PRKN: variants seen among roughly 807,000 people sequenced by gnomAD.
The protein encoded by PRKN is E3 ubiquitin-protein ligase parkin.
In PRKN, 56 loss-of-function variants were observed where a neutral mutation model predicts 59.5. That is an observed-to-expected ratio of 0.94 (90% CI 0.76 to 1.18). PRKN has a LOEUF of 1.18. PRKN is among the 50% of genes most tolerant of loss of function. The pLI is 0.00. For missense variants in PRKN, 657 were observed against 596.4 expected (o/e 1.10, Z -1.06); for synonymous variants, 250 against 222.1 (o/e 1.13, Z -1.12).
At chr6:162,306,626 G>A (rs1297450234) in intron 2 of PRKN, among the ~76,000 whole-genome samples, 2 of 152,134 alleles carry the variant, frequency 1.3e-5, no homozygotes, top group East Asian at 1.9e-4. Context: ...TGCACACAAC[G>A]GAAGTATTTG....
At chr6:162,147,578 A>G (rs1288180807) in intron 4 of PRKN, among the ~76,000 whole-genome samples, 4 of 152,098 alleles carry the variant, frequency 2.6e-5, no homozygotes, top group Admixed American at 2.6e-4. Context: ...TGGACACCCT[A>G]CTAAATATGA....
intron 2 of PRKN, among the ~76,000 whole-genome samples, chr6:162,351,351 T>C (rs921374673): frequency 1.3e-5 from 2 of 152,166 alleles, no homozygotes; most frequent in Non-Finnish European, 2.9e-5. Flanking sequence ...TACTTTCTAT[T>C]AGGAAAATGC....
intron 7 of PRKN, among the ~76,000 whole-genome samples, chr6:161,583,411 T>TTTCTC (rs2128138649): frequency 6.6e-6 from 1 of 152,310 alleles, no homozygotes; most frequent in East Asian, 1.9e-4. Flanking sequence ...CATATGTATT[T>TTTCTC]TTCTCTTCTC....
chr6:162,351,978 C>T (rs1784644958), intron 2 of PRKN, among the ~76,000 whole-genome samples: 1 of 152,142 alleles, frequency 6.6e-6, no homozygotes, highest in African/African-American at 2.4e-5. Flanking sequence ...CAAAGGTAGA[C>T]ACCAGCAAGC....
chr6:162,189,662 G>C (rs923331096), intron 4 of PRKN, among the ~76,000 whole-genome samples: 2 of 151,678 alleles, frequency 1.3e-5, no homozygotes, highest in African/African-American at 2.4e-5. Context: ...AAATAATCAA[G>C]ACTTAATTTT....
intron 2 of PRKN, among the ~76,000 whole-genome samples, chr6:162,408,964 C>T (rs937941503): frequency 4.0e-5 from 6 of 151,596 alleles, no homozygotes; most frequent in Non-Finnish European, 8.8e-5. Context: ...CTCCCCTCCC[C>T]GCTCCTTGTC....
In PRKN at chr6:161,525,899, A is replaced by G. The variant is rs1779000197; in HGVS notation, c.1083+22955T>C. Among the ~76,000 whole-genome samples, 1 of 152,204 alleles carries G rather than the reference A, an allele frequency of 6.6e-6. No homozygotes were observed. Among genetic ancestry groups the G allele is most frequent in the South Asian group, 2.1e-4 (1 of 4,832 alleles). ...ACCCAATAACTTAGATAATGTTATT[A>G]ATATGGGTATCAAATATTTTAAATC... On this transcript the variant is annotated intron_variant, in intron 9 of 11. Transcript: ENST00000366898. This position sits in a 1 kb window ranked among gnomAD's most constrained non-coding sequence, Gnocchi z 4.7.
intron 6 of PRKN, among the ~76,000 whole-genome samples, chr6:161,936,788 ATTT>A (rs72306983): frequency 3.6e-5 from 5 of 139,142 alleles, no homozygotes; most frequent in Non-Finnish European, 3.1e-5. Context: ...TTTGTTTCAT[ATTT>A]TTTTTTTTTT....
At chr6:161,719,042 G>A (rs1033493476) in intron 7 of PRKN, among the ~76,000 whole-genome samples, 1 of 151,960 alleles carries the variant, frequency 6.6e-6, no homozygotes, top group East Asian at 1.9e-4. Context: ...TTATTTGCTC[G>A]CTGTTTAATT....
At chr6:162,358,642 T>C (rs1784982570) in intron 2 of PRKN, among the ~76,000 whole-genome samples, 1 of 152,142 alleles carries the variant, frequency 6.6e-6, no homozygotes, top group African/African-American at 2.4e-5. Flanking sequence ...TAAAGATCAT[T>C]AAAAACTCTT....
chr6:162,058,519 C>T (rs1777959943), intron 4 of PRKN, among the ~76,000 whole-genome samples: 2 of 152,162 alleles, frequency 1.3e-5, no homozygotes, highest in Admixed American at 6.5e-5. Flanking sequence ...AAAGTCCCTG[C>T]GTTTAAAAGA....
chr6:162,064,573 A>G (rs890615835), intron 4 of PRKN, among the ~76,000 whole-genome samples: 1 of 152,244 alleles, frequency 6.6e-6, no homozygotes, highest in African/African-American at 2.4e-5. Context: ...CTTCATCATC[A>G]GGCTACAAAA....
At chr6:162,554,217 A>C (rs1223469182) in intron 1 of PRKN, among the ~76,000 whole-genome samples, 1 of 152,194 alleles carries the variant, frequency 6.6e-6, no homozygotes, top group Non-Finnish European at 1.5e-5. Flanking sequence ...GAAAACGGAC[A>C]GAATGGCCAG....
chr6:161,662,102 G>A (rs751924119), intron 7 of PRKN, among the ~76,000 whole-genome samples: 1 of 152,136 alleles, frequency 6.6e-6, no homozygotes, highest in African/African-American at 2.4e-5. Flanking sequence ...GGAAAGATGA[G>A]GAATGAGCTG....
intron 2 of PRKN, among the ~76,000 whole-genome samples, chr6:162,347,226 TA>T (rs1353929028): frequency 6.6e-6 from 1 of 151,748 alleles, no homozygotes; most frequent in African/African-American, 2.4e-5. Flanking sequence ...CTTAGTTCAC[TA>T]ATTTTCAGCC....
chr6:161,516,841 A>AAAG (rs1778626020), intron 9 of PRKN, among the ~76,000 whole-genome samples: 1 of 150,566 alleles, frequency 6.6e-6, no homozygotes, highest in South Asian at 2.1e-4. Context: ...AAAAAAAAAA[A>AAAG]AAAAAAGAAA....
At chr6:161,730,009 C>G (rs141611275) in intron 7 of PRKN, among the ~76,000 whole-genome samples, 8 of 151,938 alleles carry the variant, frequency 5.3e-5, no homozygotes, top group African/African-American at 9.7e-5. Flanking sequence ...ATGTTGCATT[C>G]TTTCTGATGT....
At chr6:161,424,336 CAAAAAAAAAAA>C (rs56268660) in intron 9 of PRKN, among the ~76,000 whole-genome samples, 1 of 109,210 alleles carries the variant, frequency 9.2e-6, no homozygotes, top group South Asian at 3.1e-4. Flanking sequence ...GATTCTGTCT[CAAAAAAAAAAA>C]AAAAAAAAAG....
At chr6:162,008,358 G>T (rs1338274783) in intron 5 of PRKN, among the ~76,000 whole-genome samples, 1 of 152,122 alleles carries the variant, frequency 6.6e-6, no homozygotes, top group Non-Finnish European at 1.5e-5. Context: ...TACCCTACAT[G>T]GGCTACATGA....
Sources: allele counts gnomAD v4.1 joint callset (sites outside exome capture counted in the v4.1 genomes callset), GRCh38; gene constraint gnomAD v4.1.1; non-coding constraint Gnocchi (gnomAD v3.1); transcripts MANE v1.5; gene names NCBI Gene and HGNC (gene_info 2026-07-23, HGNC 2026-07-21).